ITPR2: variants seen among roughly 807,000 people sequenced by gnomAD.
The protein encoded by ITPR2 is inositol 1,4,5-trisphosphate receptor type 2.
In ITPR2, 207 loss-of-function variants were observed where a neutral mutation model predicts 317.1. That is an observed-to-expected ratio of 0.65 (90% CI 0.58 to 0.73). The LOEUF is 0.73. Among genes scored for constraint, ITPR2 ranks in the 30% least tolerant of loss-of-function variants. ITPR2 has a pLI of 0.00. For synonymous variants in ITPR2, 1,156 were observed against 1,149.1 expected, an observed-to-expected ratio of 1.01 and a Z score of -0.12; for missense variants, 2,613 against 3,284.0, an observed-to-expected ratio of 0.80 and a Z score of 4.99.
intron 21 of ITPR2, among the ~76,000 whole-genome samples, chr12:26,653,756 AT>A (rs1170764202): frequency 1.3e-5 from 2 of 152,218 alleles, no homozygotes; most frequent in African/African-American, 4.8e-5. Flanking sequence ...TAAAGATGGA[AT>A]CTGACCTTAT....
At chr12:26,418,407 C>G (rs1030482513) in intron 50 of ITPR2, among the ~76,000 whole-genome samples, 3 of 152,074 alleles carry the variant, frequency 2.0e-5, no homozygotes, top group Admixed American at 6.6e-5. Flanking sequence ...TGACTCCTCT[C>G]CTGGTTTATG....
chr12:26,541,146 TAAAA>T (rs3058665), intron 37 of ITPR2, among the ~76,000 whole-genome samples: 6 of 110,136 alleles, frequency 5.4e-5, no homozygotes, highest in Non-Finnish European at 1.1e-4. Flanking sequence ...CATCTCTGCT[TAAAA>T]AAAAAAAAAA....
At chr12:26,454,501 G>A (rs751233816) in intron 45 of ITPR2, among the ~76,000 whole-genome samples, 23 of 152,194 alleles carry the variant, frequency 1.5e-4, no homozygotes, top group African/African-American at 4.1e-4. Context: ...CCACCATGCC[G>A]GGCCAGAAAT....
At chr12:26,343,433 C>G (rs1938201607) in intron 55 of ITPR2, among the ~76,000 whole-genome samples, 1 of 152,142 alleles carries the variant, frequency 6.6e-6, no homozygotes, top group Non-Finnish European at 1.5e-5. Flanking sequence ...AGACTATTAG[C>G]TGGAGAAGAT....
chr12:26,771,678 C>T (rs1949846602), intron 2 of ITPR2, among the ~76,000 whole-genome samples: 1 of 152,042 alleles, frequency 6.6e-6, no homozygotes, highest in African/African-American at 2.4e-5. Flanking sequence ...CCACGCCTGG[C>T]TAATTTTTTG....
chr12:26,540,781 TAAC>T (rs1019570896), intron 37 of ITPR2, among the ~76,000 whole-genome samples: 4 of 152,164 alleles, frequency 2.6e-5, no homozygotes, highest in African/African-American at 9.7e-5. Context: ...TTTTATAGTC[TAAC>T]AAGTGACCAA....
At chr12:26,372,367 T>C (rs1939212383) in intron 55 of ITPR2, among the ~76,000 whole-genome samples, 1 of 152,212 alleles carries the variant, frequency 6.6e-6, no homozygotes, top group South Asian at 2.1e-4. Context: ...CTCATACATA[T>C]TTTACAGTTT....
chr12:26,695,021 G>T (rs1350350384), intron 10 of ITPR2, among the ~76,000 whole-genome samples: 1 of 152,092 alleles, frequency 6.6e-6, no homozygotes, highest in African/African-American at 2.4e-5. Flanking sequence ...AAAGATACTG[G>T]CCATGTTAAT....
At chr12:26,803,352 G>T (rs1051567529) in intron 1 of ITPR2, among the ~76,000 whole-genome samples, 1 of 115,178 alleles carries the variant, frequency 8.7e-6, no homozygotes, top group African/African-American at 2.9e-5. Context: ...CTGGCATATA[G>T]TAAGTGCAAA....
intron 48 of ITPR2, among the ~76,000 whole-genome samples, chr12:26,433,363 C>T (rs564176396): frequency 6.6e-6 from 1 of 152,104 alleles, no homozygotes; most frequent in African/African-American, 2.4e-5. Context: ...TGTCTTCCAG[C>T]CTTGTGTTCG....
chr12:26,799,983 C>T (rs1168987218), intron 1 of ITPR2, among the ~76,000 whole-genome samples: 5 of 152,150 alleles, frequency 3.3e-5, no homozygotes, highest in African/African-American at 1.2e-4. Flanking sequence ...TCTTTACCAC[C>T]ATCACACTGT....
At position 26,658,708 on chromosome 12, in the gene ITPR2, G is replaced by A. The variant is rs80278834; in HGVS notation, c.1886+405C>T. Among the ~76,000 whole-genome samples, 95 of 152,194 alleles carry A rather than the reference G, an allele frequency of 6.2e-4. No individual in the cohort carries two copies. In the East Asian group the frequency reaches 0.012, roughly 19 times the overall value. ...GAGTCAGAAGCCCTTGATTTACCTCGTATTCTATTCCTATCAGGGTACGCT... is the reference window on the plus strand; with the variant it reads ...GAGTCAGAAGCCCTTGATTTACCTCATATTCTATTCCTATCAGGGTACGCT... On this transcript the variant is annotated intron_variant, in intron 16 of 56. Coordinates refer to ENST00000381340, the MANE Select transcript of ITPR2 (RefSeq NM_002223.4).
chr12:26,507,863 C>CTCTGTGTGTGTG (rs372756412), intron 37 of ITPR2, among the ~76,000 whole-genome samples: 188 of 132,282 alleles, frequency 1.4e-3, no homozygotes, highest in Middle Eastern at 0.013. Context: ...CTCTCTGTCT[C>CTCTGTGTGTGTG]TGTGTGTGTG....
chr12:26,787,797 A>G (rs888627001), intron 2 of ITPR2, among the ~76,000 whole-genome samples: 4 of 152,316 alleles, frequency 2.6e-5, no homozygotes, highest in Non-Finnish European at 5.9e-5. Context: ...TGGGCAGAGC[A>G]CTATGCCTGG....
intron 35 of ITPR2, among the ~76,000 whole-genome samples, chr12:26,557,196 A>G (rs1029551720): frequency 1.8e-4 from 28 of 152,238 alleles, no homozygotes; most frequent in African/African-American, 6.8e-4. Context: ...ACATGGGTTC[A>G]GTGACATTCA....
At chr12:26,746,680 C>T (rs1949330539) in intron 2 of ITPR2, among the ~76,000 whole-genome samples, 1 of 152,184 alleles carries the variant, frequency 6.6e-6, no homozygotes, top group Admixed American at 6.5e-5. Context: ...CTAATTTATG[C>T]TCACCAATCA....
At chr12:26,598,363 A>G (rs1945902885) in intron 30 of ITPR2, among the ~76,000 whole-genome samples, 1 of 152,232 alleles carries the variant, frequency 6.6e-6, no homozygotes, top group Non-Finnish European at 1.5e-5. Flanking sequence ...AAGGTATGTC[A>G]TAATGAAAAT....
At chr12:26,772,797 T>C (rs577573442) in intron 2 of ITPR2, among the ~76,000 whole-genome samples, 1 of 151,974 alleles carries the variant, frequency 6.6e-6, no homozygotes, top group East Asian at 1.9e-4. Flanking sequence ...GCAGGTTTGT[T>C]ATATAGGTGT....
chr12:26,492,192 C>G (rs944331282), intron 39 of ITPR2, among the ~76,000 whole-genome samples: 2 of 152,052 alleles, frequency 1.3e-5, no homozygotes, highest in Non-Finnish European at 2.9e-5. Context: ...TCACTAGTGG[C>G]AAATGCCACA....
Sources: gnomAD v4.1 joint callset for allele counts (sites outside exome capture counted in the v4.1 genomes callset) on GRCh38, gnomAD v4.1.1 for gene constraint, MANE v1.5 for transcripts, NCBI Gene and HGNC (gene_info 2026-07-23, HGNC 2026-07-21) for gene names.